The following TTF1 variants were observed in gnomAD, a reference collection of about 807,000 sequenced individuals.
TTF1 encodes the protein transcription termination factor 1.
A neutral mutation model predicts 80.2 loss-of-function variants in TTF1; 64 were observed. The ratio of observed to expected loss-of-function variants is 0.80; its 90% CI spans 0.65 to 0.98. The LOEUF is 0.98. TTF1 is among the 50% of genes least tolerant of loss of function. TTF1 has a pLI of 0.00. For missense variants in TTF1, 1,023 were observed against 1,086.2 expected (o/e 0.94, Z 0.82); for synonymous variants, 372 against 382.7 (o/e 0.97, Z 0.33).
chr9:132,398,371 T>TG, intron 3 of TTF1, 45 bp from the exon 4 acceptor site: 6 of 1,393,250 alleles, frequency 4.3e-6, no homozygotes, highest in Non-Finnish European at 5.7e-6. Context: ...TTGTTAATAA[T>TG]GACAAAAGCA....
intron 10 of TTF1, among the ~76,000 whole-genome samples, chr9:132,378,723 TGA>T (rs1291608610): frequency 2.6e-5 from 4 of 151,072 alleles, no homozygotes; most frequent in Non-Finnish European, 5.9e-5. Flanking sequence ...GTGGTGTGTG[TGA>T]GTGCTTGCAT....
intron 10 of TTF1, among the ~76,000 whole-genome samples, chr9:132,377,992 GTGCATGTGGTGCGTGTGAA>G (rs1415312950): frequency 1.5e-5 from 2 of 132,268 alleles, no homozygotes; most frequent in Non-Finnish European, 3.2e-5. Flanking sequence ...TGTGGTGTGA[GTGCATGTGGTGCGTGTGAA>G]TGCATGTGGT....
chr9:132,376,160 CGAT>C lies in TTF1; in HGVS notation c.2470_2472del (p.Ile824del). Reference sequence around the variant, plus strand: ...GGTAGAGTCGTCTCATAAAGGTAGTCGATGATCTCTACAGAAAAGAAATTTAAT... The same window carrying C: ...GGTAGAGTCGTCTCATAAAGGTAGTCGATCTCTACAGAAAAGAAATTTAAT... On this transcript the variant is annotated inframe_deletion, in exon 11 of 11. Coordinates refer to ENST00000334270, the MANE Select transcript of TTF1 (RefSeq NM_007344.4). 2 of 1,611,806 alleles carry C rather than the reference CGAT, an allele frequency of 1.2e-6. No individual in the cohort carries two copies. Among genetic ancestry groups the C allele is most frequent in the South Asian group, 1.1e-5 (1 of 90,894 alleles).
At position 132,375,861 on chromosome 9, in the gene TTF1, T is replaced by G; in HGVS notation, c.*54A>C. The G allele has an allele frequency of 8.6e-7, 1 of 1,159,988 alleles. No individual in the cohort carries two copies. Among genetic ancestry groups the G allele is most frequent in the Non-Finnish European group, 1.2e-6 (1 of 817,386 alleles). 71.9% of individuals were successfully genotyped at this position (1,159,988 alleles called of 1,614,324 possible). Reference sequence around the variant, plus strand: ...CCACACCCGGCTAATTTTTGCATTTTTAATAGTGACAGGTCTTCACCATGT... The same window carrying G: ...CCACACCCGGCTAATTTTTGCATTTGTAATAGTGACAGGTCTTCACCATGT... On this transcript the variant is annotated 3_prime_UTR_variant, in exon 11 of 11. Transcript: ENST00000334270.
chr9:132,392,160 G>A lies in TTF1; in HGVS notation c.1903C>T (p.Leu635Phe). Residue 635 changes from leucine to phenylalanine, a missense_variant, in exon 6 of 11, where the codon CTT becomes TTT. Physicochemically the swap from Leu to Phe is conservative, Grantham distance 22. Coordinates refer to ENST00000334270, the MANE Select transcript of TTF1 (RefSeq NM_007344.4). ...TEKLKMYHSL[L>F]GNDWKTIGEM... ...CCAATCGTCTTCCAGTCATTCCCAA[G>A]GAGAGAATGGTACATCTTTAACTTC... 1 of 1,614,154 alleles carries A rather than the reference G, an allele frequency of 6.2e-7. No homozygotes were observed. Among genetic ancestry groups the A allele is most frequent in the Non-Finnish European group, 8.5e-7 (1 of 1,180,030 alleles).
chr9:132,385,453 T>C (rs1849448474), intron 9 of TTF1, among the ~76,000 whole-genome samples: 1 of 152,236 alleles, frequency 6.6e-6, no homozygotes, highest in African/African-American at 2.4e-5. Context: ...CGTGGGAGTC[T>C]GGCCTGCACA....
intron 1 of TTF1, among the ~76,000 whole-genome samples, chr9:132,404,434 A>T (rs1448181271): frequency 1.3e-5 from 2 of 152,026 alleles, no homozygotes; most frequent in African/African-American, 2.4e-5. Context: ...CTTCTGTCAA[A>T]GGCTATTTCC....
chr9:132,384,901 C>T lies in TTF1; in HGVS notation c.2378+1655G>A, dbSNP rs1385212251. Among the ~76,000 whole-genome samples, 1 of 152,138 alleles carries T rather than the reference C, an allele frequency of 6.6e-6. No individual in the cohort carries two copies. The highest frequency in any genetic ancestry group is 1.5e-5 in the Non-Finnish European group (1 of 68,020). On this transcript the variant is annotated intron_variant, in intron 9 of 10. Transcript: ENST00000334270. The surrounding 1 kb of genome is among the most constrained non-coding windows in gnomAD (Gnocchi z 4.1). ...GAACTCCTGACCTCAGGTGATCTGC[C>T]CACCTTGGCCTCCCAAAGTGCTGGG...
At chr9:132,382,431 G>A (rs1333715231) in intron 9 of TTF1, among the ~76,000 whole-genome samples, 2 of 152,152 alleles carry the variant, frequency 1.3e-5, no homozygotes, top group African/African-American at 2.4e-5. Context: ...AAGTCAAAAC[G>A]AGAATTATGT....
intron 1 of TTF1, among the ~76,000 whole-genome samples, chr9:132,406,419 T>G (rs1398983028): frequency 6.6e-6 from 1 of 151,962 alleles, no homozygotes; most frequent in Non-Finnish European, 1.5e-5. Flanking sequence ...CTGGCCAACA[T>G]GGTGAAACCC....
At chr9:132,392,700 G>A (rs1456858208) in intron 5 of TTF1, among the ~76,000 whole-genome samples, 1 of 152,078 alleles carries the variant, frequency 6.6e-6, no homozygotes, top group Non-Finnish European at 1.5e-5. Context: ...GACCAGCACT[G>A]CCCAACAGAA....
rs147446114 is a variant in TTF1 at position 132,391,993 on chromosome 9, C to T, written c.1987+83G>A. 1.5e-4 allele frequency: 232 copies of T among 1,582,976 alleles called. No homozygotes were observed. In the African/African-American group the frequency reaches 1.6e-3, roughly 11 times the overall value. On this transcript the variant is annotated intron_variant, in intron 6 of 10. Coordinates refer to ENST00000334270, the MANE Select transcript of TTF1 (RefSeq NM_007344.4). The stretch of plus-strand genomic sequence containing the variant: ...CGGAAGACAGGTCTACGGTGATTTC[C>T]GGGCATTGGATCGGTTATGGCTGAA...
chr9:132,400,085 T>G lies in TTF1; in HGVS notation c.1541A>C (p.Lys514Thr), dbSNP rs1459017719. 1.2e-5 allele frequency: 19 copies of G among 1,614,214 alleles called. No homozygotes were observed. The highest frequency in any genetic ancestry group is 1.6e-5 in the Non-Finnish European group (19 of 1,180,042). The change falls in exon 3 of 11, where the codon AAG (lysine) becomes ACG (threonine). Residue 514 changes from lysine to threonine, a missense_variant. By Grantham distance (78) the Lys-to-Thr change is moderately conservative. Transcript: ENST00000334270. ...NIKDRATSTI[K>T]RMYRDDLERF... ...TTCCAAGTCGTCCCGGTACATCCGC[T>G]TGATTGTGCTGGTGGCCCTGTCCTT...
At chr9:132,401,359 T>C (rs1849758575) in intron 2 of TTF1, 96 bp downstream of exon 2, 1 of 1,109,714 alleles carries the variant, frequency 9.0e-7, no homozygotes, top group Non-Finnish European at 1.2e-6. Context: ...AAAAATAAAA[T>C]TAAAAATAAA....
intron 10 of TTF1, among the ~76,000 whole-genome samples, chr9:132,377,536 GTGCATGTGGTGTGTGTGTGAA>G (rs1295673294): frequency 7.1e-6 from 1 of 141,674 alleles, no homozygotes; most frequent in African/African-American, 2.6e-5. Context: ...TGTAGTGTGA[GTGCATGTGGTGTGTGTGTGAA>G]TGCATGTGGT....
chr9:132,375,879 C>T lies in TTF1; in HGVS notation c.*36G>A, dbSNP rs1849163705. 1 of 1,310,882 alleles carries T rather than the reference C, an allele frequency of 7.6e-7. No individual in the cohort carries two copies. Among genetic ancestry groups the T allele is most frequent in the East Asian group, 2.5e-5 (1 of 40,466 alleles). 81.2% of individuals were successfully genotyped at this position (1,310,882 alleles called of 1,614,324 possible). On this transcript the variant is annotated 3_prime_UTR_variant, in exon 11 of 11. Transcript: ENST00000334270. ...TGCATTTTTAATAGTGACAGGTCTT[C>T]ACCATGTTGGTCAGGCCGGTCTCGA... is the stretch of plus-strand genomic sequence containing the variant.
In TTF1 at chr9:132,375,699, GA is replaced by G; in HGVS notation, c.*215del. The G allele has an allele frequency of 4.3e-6, 2 of 465,002 alleles. No individual in the cohort carries two copies. The highest frequency in any genetic ancestry group is 7.7e-6 in the Non-Finnish European group (2 of 258,344). 28.8% of individuals were successfully genotyped at this position (465,002 alleles called of 1,614,324 possible). On this transcript the variant is annotated 3_prime_UTR_variant, in exon 11 of 11. Transcript: ENST00000334270. ...ATGTATATAAATATAATCAAACTGA[GA>G]AAAAGGGACAAGAAATAGTAATCTC...
rs144643349 is a variant in TTF1 at position 132,400,210 on chromosome 9, G to C, written c.1416C>G (p.Ser472=). Residue 472 remains serine, a synonymous_variant, in exon 3 of 11, where the codon TCC becomes TCG. Transcript: ENST00000334270. ...AATCTGCAGATAAGTATCTTATTTC[G>C]GAATCTTCAGCTGTTTCCACATTGT... is the stretch of plus-strand genomic sequence containing the variant. The part of the protein sequence containing the change: ...EEHNVETAED[S]EIRYLSADSG... 1.4e-4 allele frequency: 223 copies of C among 1,614,098 alleles called. No individual in the cohort carries two copies. The African/African-American group carries it at 2.8e-3, about 20-fold the overall frequency.
At position 132,402,073 on chromosome 9, in the gene TTF1, A is replaced by T. The variant is rs764076768; in HGVS notation, c.749T>A (p.Met250Lys). The change falls in exon 2 of 11, where the codon ATG becomes AAG. Residue 250 changes from methionine to lysine, a missense_variant. By Grantham distance (95) the Met-to-Lys change is moderately conservative. Transcript: ENST00000334270. The part of the protein sequence containing the change: ...SQAGREAGTD[M>K]QESQPTVGLD... ...GCCCACAGTAGGCTGGGATTCCTGC[A>T]TATCAGTCCCGGCCTCTCTGCCTGC... The T allele has an allele frequency of 1.2e-6, 2 of 1,614,074 alleles. No individual in the cohort carries two copies. The highest frequency in any genetic ancestry group is 1.7e-6 in the Non-Finnish European group (2 of 1,180,030).
Sources: gnomAD v4.1 joint callset for allele counts (sites outside exome capture counted in the v4.1 genomes callset) on GRCh38, gnomAD v4.1.1 for gene constraint, Gnocchi (gnomAD v3.1) non-coding constraint, MANE v1.5 for transcripts, NCBI Gene and HGNC (gene_info 2026-07-23, HGNC 2026-07-21) for gene names.